The following TANGO6 variants were observed in gnomAD, a reference collection of about 807,000 sequenced individuals.
The protein encoded by TANGO6 is transport and golgi organization 6 homolog.
A neutral mutation model predicts 114.2 loss-of-function variants in TANGO6; 90 were observed. The ratio of observed to expected loss-of-function variants is 0.79; its 90% CI spans 0.66 to 0.94. TANGO6 has a LOEUF of 0.94. Among genes scored for constraint, TANGO6 ranks in the 40% least tolerant of loss-of-function variants. The pLI, the probability that TANGO6 is intolerant of heterozygous loss-of-function variation, is 0.00. For missense variants in TANGO6, 1,274 were observed against 1,315.3 expected, an observed-to-expected ratio of 0.97 and a Z score of 0.49; for synonymous variants, 477 against 509.8, an observed-to-expected ratio of 0.94 and a Z score of 0.87.
intron 15 of TANGO6, among the ~76,000 whole-genome samples, chr16:68,992,896 C>T (rs1040016802): frequency 2.0e-5 from 3 of 152,012 alleles, no homozygotes; most frequent in African/African-American, 7.3e-5. Context: ...TAGTGAAACC[C>T]CGTCTCTACT....
intron 1 of TANGO6, among the ~76,000 whole-genome samples, chr16:68,849,590 T>A (rs1961868390): frequency 6.6e-6 from 1 of 150,880 alleles, no homozygotes; most frequent in African/African-American, 2.4e-5. Flanking sequence ...AGCCCCGGAG[T>A]TTGAGGGTGC....
intron 5 of TANGO6, among the ~76,000 whole-genome samples, chr16:68,876,179 G>A (rs1280492442): frequency 3.0e-5 from 4 of 135,050 alleles, no homozygotes; most frequent in Non-Finnish European, 6.3e-5. Flanking sequence ...TTTTTTTTTT[G>A]AGACAGAGTT....
intron 9 of TANGO6, 48 bp from the exon 10 acceptor site, chr16:68,907,395 G>A (rs751865564): frequency 2.0e-6 from 3 of 1,509,310 alleles, no homozygotes; most frequent in South Asian, 2.7e-5. Context: ...TTAAAATTAT[G>A]TGTATCTCTG....
intron 17 of TANGO6, among the ~76,000 whole-genome samples, 158 bp from the exon 18 acceptor site, chr16:69,083,327 C>T (rs534786558): frequency 2.0e-5 from 3 of 152,052 alleles, no homozygotes; most frequent in South Asian, 4.2e-4. Flanking sequence ...TCCCAAAGTG[C>T]GGATTACAGG....
intron 17 of TANGO6, among the ~76,000 whole-genome samples, chr16:69,047,602 T>C (rs544523424): frequency 6.6e-6 from 1 of 152,224 alleles, no homozygotes; most frequent in African/African-American, 2.4e-5. Flanking sequence ...AGCAACGTTA[T>C]AAAACATAAC....
At chr16:68,871,965 C>T (rs1386184141) in intron 4 of TANGO6, among the ~76,000 whole-genome samples, 2 of 152,070 alleles carry the variant, frequency 1.3e-5, no homozygotes, top group Admixed American at 1.3e-4. Context: ...GGCGCAGTGG[C>T]TCAAGCCTGA....
At chr16:68,955,965 A>G (rs1262208852) in intron 14 of TANGO6, among the ~76,000 whole-genome samples, 2 of 152,154 alleles carry the variant, frequency 1.3e-5, no homozygotes, top group Non-Finnish European at 2.9e-5. Context: ...AGCCTGGCCA[A>G]CATGGTGAAA....
intron 14 of TANGO6, among the ~76,000 whole-genome samples, chr16:68,945,073 A>C (rs1427063534): frequency 6.6e-6 from 1 of 152,180 alleles, no homozygotes; most frequent in Non-Finnish European, 1.5e-5. Context: ...CCCAGGAGGT[A>C]GAGGTTGCAG....
intron 16 of TANGO6, among the ~76,000 whole-genome samples, chr16:69,032,722 C>A (rs1427018138): frequency 6.6e-6 from 1 of 151,816 alleles, no homozygotes; most frequent in Non-Finnish European, 1.5e-5. Context: ...ACTAAAAATA[C>A]AAAAAATTAG....
intron 7 of TANGO6, among the ~76,000 whole-genome samples, chr16:68,890,230 A>C (rs1962591822): frequency 6.6e-6 from 1 of 152,232 alleles, no homozygotes; most frequent in South Asian, 2.1e-4. Flanking sequence ...GAAGCCCATA[A>C]ATTAAGAAAA....
At chr16:69,047,673 A>G (rs1959884881) in intron 17 of TANGO6, among the ~76,000 whole-genome samples, 1 of 152,210 alleles carries the variant, frequency 6.6e-6, no homozygotes, top group East Asian at 1.9e-4. Context: ...TCTTAAAAAA[A>G]TGAGTGATTG....
intron 14 of TANGO6, among the ~76,000 whole-genome samples, chr16:68,935,609 C>G (rs1249969825): frequency 1.3e-5 from 2 of 152,108 alleles, no homozygotes; most frequent in Non-Finnish European, 2.9e-5. Flanking sequence ...CAGCTTCTCC[C>G]AGGTACTCAA....
Position 68,994,777 on chromosome 16 carries a change from G to T in TANGO6, c.2842+20609G>T, listed in dbSNP as rs1248839645. 1.3e-5 allele frequency among the ~76,000 whole-genome samples: 2 copies of T among 151,582 alleles called. 1 individual carries two copies. Among genetic ancestry groups the T allele is most frequent in the African/African-American group, 4.9e-5 (2 of 41,218 alleles). On this transcript the variant is annotated intron_variant, in intron 15 of 17. Transcript: ENST00000261778. ...AAAATTTTTTTTTTGTAGAGATGGG[G>T]TTTCACCATGTTGCCCACGCTGATC... is the stretch of plus-strand genomic sequence containing the variant.
At chr16:69,063,153 A>T (rs1017363004) in intron 17 of TANGO6, among the ~76,000 whole-genome samples, 1 of 150,486 alleles carries the variant, frequency 6.6e-6, no homozygotes, top group African/African-American at 2.4e-5. Flanking sequence ...GCTTGAACCC[A>T]GAAGGCGGAG....
At chr16:68,863,242 T>C in intron 3 of TANGO6, 181 bp downstream of exon 3, 1 of 411,886 alleles carries the variant, frequency 2.4e-6, no homozygotes, top group Non-Finnish European at 4.3e-6. Flanking sequence ...TTAGGATAAT[T>C]TAAAAGACCT....
At chr16:68,936,039 C>T (rs1963296246) in intron 14 of TANGO6, among the ~76,000 whole-genome samples, 1 of 152,070 alleles carries the variant, frequency 6.6e-6, no homozygotes. Context: ...TAAAAATTAG[C>T]TAGGTGTGCT....
chr16:68,953,737 T>C (rs1597034775), intron 14 of TANGO6, among the ~76,000 whole-genome samples: 1 of 152,226 alleles, frequency 6.6e-6, no homozygotes, highest in South Asian at 2.1e-4. Context: ...TATCTCATAC[T>C]GTCTTCTTGG....
At chr16:68,946,965 G>A (rs750015778) in intron 14 of TANGO6, among the ~76,000 whole-genome samples, 2 of 152,150 alleles carry the variant, frequency 1.3e-5, no homozygotes, top group African/African-American at 2.4e-5. Flanking sequence ...TGGATGTGAT[G>A]TGAGATATCC....
Position 68,956,377 on chromosome 16 carries a change from A to G in TANGO6, c.2702-17651A>G, listed in dbSNP as rs181506091. 9.2e-5 allele frequency among the ~76,000 whole-genome samples: 14 copies of G among 152,282 alleles called. No individual in the cohort carries two copies. In the East Asian group the frequency reaches 2.7e-3, roughly 29 times the overall value. ...TCATGGCTTTGAAGGGCAACATTGC[A>G]GAAATGAAAGCCCAGACCAAGTTTG... is the stretch of plus-strand genomic sequence containing the variant. On this transcript the variant is annotated intron_variant, in intron 14 of 17. Coordinates refer to ENST00000261778, the MANE Select transcript of TANGO6 (RefSeq NM_024562.2).
Sources: allele counts gnomAD v4.1 joint callset (sites outside exome capture counted in the v4.1 genomes callset), GRCh38; gene constraint gnomAD v4.1.1; transcripts MANE v1.5; gene names NCBI Gene and HGNC (gene_info 2026-07-23, HGNC 2026-07-21).